ZNF236: variants seen among roughly 807,000 people sequenced by gnomAD.
ZNF236 encodes the protein zinc finger protein 236, also known as regulated by glucose.
In ZNF236, 50 loss-of-function variants were observed where a neutral mutation model predicts 191.2. That is an observed-to-expected ratio of 0.26 (90% confidence interval 0.21 to 0.33). The LOEUF is 0.33. Ranked by LOEUF, ZNF236 falls within the 10% of genes least tolerant of loss-of-function variation. ZNF236 has a pLI of 1.00. For synonymous variants in ZNF236, 907 were observed against 928.8 expected, an observed-to-expected ratio of 0.98 and a Z score of 0.43; for missense variants, 1,754 against 2,374.5, an observed-to-expected ratio of 0.74 and a Z score of 5.43.
chr18:76,903,004 G>A (rs1977642664), intron 11 of ZNF236, among the ~76,000 whole-genome samples: 1 of 152,190 alleles, frequency 6.6e-6, no homozygotes, highest in South Asian at 2.1e-4. Flanking sequence ...AGCTCTGATT[G>A]TCCAGAAGGC....
chr18:76,924,461 C>A (rs1272286800), intron 21 of ZNF236, among the ~76,000 whole-genome samples: 1 of 152,192 alleles, frequency 6.6e-6, no homozygotes, highest in African/African-American at 2.4e-5. Context: ...GTTGGGATAG[C>A]AGGTTGCACT....
At position 76,875,123 on chromosome 18, in the gene ZNF236, G is replaced by A. The variant is rs1375566547; in HGVS notation, c.668-369G>A. The stretch of plus-strand genomic sequence containing the variant: ...TTACCCTGGGGTGGTGGTTGTGGAC[G>A]GGAAGCAGGGCTGCTCTGGGTGTAT... On this transcript the variant is annotated intron_variant, in intron 5 of 30. Transcript: ENST00000320610. This position sits in a 1 kb window ranked among gnomAD's most constrained non-coding sequence, Gnocchi z 4.3. Among the ~76,000 whole-genome samples, 2 of 152,134 alleles carry A rather than the reference G, an allele frequency of 1.3e-5. No individual in the cohort carries two copies. Among genetic ancestry groups the A allele is most frequent in the African/African-American group, 2.4e-5 (1 of 41,418 alleles).
chr18:76,916,924 T>C (rs983879104), intron 19 of ZNF236, among the ~76,000 whole-genome samples: 4 of 152,236 alleles, frequency 2.6e-5, no homozygotes, highest in Non-Finnish European at 1.5e-5. Flanking sequence ...CCCCTCTGTC[T>C]GCTTTGCCAC....
intron 1 of ZNF236, chr18:76,834,482 C>A: frequency 2.6e-6 from 1 of 390,880 alleles, no homozygotes. Context: ...TTTTACTTTT[C>A]TACTTGGCGA....
intron 30 of ZNF236, among the ~76,000 whole-genome samples, chr18:76,963,851 T>C (rs1599431561): frequency 6.6e-6 from 1 of 152,224 alleles, no homozygotes; most frequent in African/African-American, 2.4e-5. Context: ...TTTTCTAGTT[T>C]ATATGTGTAA....
At chr18:76,843,634 G>A (rs1044097951) in intron 1 of ZNF236, among the ~76,000 whole-genome samples, 5 of 151,466 alleles carry the variant, frequency 3.3e-5, no homozygotes, top group African/African-American at 7.3e-5. Context: ...AAATTAGCCC[G>A]GCATGGTGGC....
At chr18:76,966,943 C>T (rs180807486) in intron 30 of ZNF236, among the ~76,000 whole-genome samples, 3 of 152,190 alleles carry the variant, frequency 2.0e-5, no homozygotes, top group Middle Eastern at 3.4e-3. Context: ...ATGCATTTTG[C>T]GGGTGTGATT....
intron 11 of ZNF236, among the ~76,000 whole-genome samples, chr18:76,899,741 T>A (rs1242858582): frequency 2.6e-5 from 4 of 152,250 alleles, no homozygotes; most frequent in African/African-American, 9.6e-5. Context: ...AAAACACTGC[T>A]TGTTAGAATC....
At chr18:76,887,202 T>A (rs1977083540) in intron 9 of ZNF236, 1 of 152,044 alleles carries the variant, frequency 6.6e-6, no homozygotes, top group African/African-American at 2.4e-5. Context: ...GTGAAACCTG[T>A]CTCTACTAAA....
In ZNF236 at chr18:76,878,142, A is replaced by G. The variant is rs762010664; in HGVS notation, c.974A>G (p.His325Arg). 3.1e-6 allele frequency: 5 copies of G among 1,607,384 alleles called. No individual in the cohort carries two copies. In the South Asian group the frequency reaches 3.3e-5, roughly 11 times the overall value. ...QNSTSSTETA[H>R]VLTATLFQTL... ...TCAACAAGTTCTACAGAGACTGCTC[A>G]TGTTTTAACGGTAAGTTTAGTAATT... The change falls in exon 7 of 31, where the codon CAT becomes CGT. Residue 325 changes from histidine (H) to arginine (R), a missense_variant. This residue lies in a region of ZNF236 where 336 missense variants were observed against 495.1 expected (regional missense o/e 0.68). Transcript: ENST00000320610.
intron 27 of ZNF236, among the ~76,000 whole-genome samples, chr18:76,950,205 C>T (rs959376406): frequency 6.6e-6 from 1 of 152,094 alleles, no homozygotes; most frequent in Non-Finnish European, 1.5e-5. Context: ...GAAAGATTTC[C>T]CCATAGCATG....
intron 9 of ZNF236, among the ~76,000 whole-genome samples, chr18:76,890,014 G>T (rs1217993569): frequency 6.6e-6 from 1 of 152,160 alleles, no homozygotes; most frequent in African/African-American, 2.4e-5. Flanking sequence ...TAACCAATCT[G>T]CAGCCATTTG....
chr18:76,872,001 C>T (rs1237922094), intron 5 of ZNF236, among the ~76,000 whole-genome samples, 176 bp downstream of exon 5: 1 of 152,150 alleles, frequency 6.6e-6, no homozygotes, highest in Non-Finnish European at 1.5e-5. Flanking sequence ...AAATGTGGCT[C>T]TTTTATCTGT....
At position 76,912,270 on chromosome 18, in the gene ZNF236, C is replaced by G. The variant is rs779247538; in HGVS notation, c.2832C>G (p.Ser944=). 6.2e-7 allele frequency: 1 copy of G among 1,614,100 alleles called. No individual in the cohort carries two copies. Among genetic ancestry groups the G allele is most frequent in the East Asian group, 2.2e-5 (1 of 44,876 alleles). Residue 944 remains serine (S), a synonymous_variant, in exon 17 of 31, where the codon TCC becomes TCG. Coordinates refer to ENST00000320610, the MANE Select transcript of ZNF236 (RefSeq NM_001306089.2). ...NVTTRLIQES[S]QEELDLQAQG... ...CAACTCGCTTGATTCAGGAGTCATC[C>G]CAAGAGGAACTGGACCTGCAGGCAC...
intron 10 of ZNF236, among the ~76,000 whole-genome samples, chr18:76,897,289 T>C (rs1302455360): frequency 6.6e-6 from 1 of 150,776 alleles, no homozygotes; most frequent in East Asian, 2.0e-4. Context: ...TGCACACAGG[T>C]ACCACATACA....
intron 9 of ZNF236, among the ~76,000 whole-genome samples, chr18:76,884,369 C>A (rs1976987589): frequency 6.6e-6 from 1 of 151,426 alleles, no homozygotes; most frequent in South Asian, 2.1e-4. Flanking sequence ...CCATTGGACT[C>A]CAGCCCCGGC....
chr18:76,913,721 C>A, intron 17 of ZNF236, 26 bp from the exon 18 acceptor site: 1 of 1,609,216 alleles, frequency 6.2e-7, no homozygotes, highest in South Asian at 1.1e-5. Flanking sequence ...TTAACGTGGT[C>A]TGAGTTCTGT....
chr18:76,905,932 C>T (rs1977728521), intron 13 of ZNF236, among the ~76,000 whole-genome samples: 1 of 152,144 alleles, frequency 6.6e-6, no homozygotes, highest in South Asian at 2.1e-4. Flanking sequence ...TGGATGTAAT[C>T]CGGAAGAGAT....
At chr18:76,918,835 G>A (rs1398499647) in intron 19 of ZNF236, among the ~76,000 whole-genome samples, 1 of 152,150 alleles carries the variant, frequency 6.6e-6, no homozygotes, top group East Asian at 1.9e-4. Flanking sequence ...GATTACAGGT[G>A]TGAGCCACTG....
Sources: allele counts gnomAD v4.1 joint callset (sites outside exome capture counted in the v4.1 genomes callset), GRCh38; gene constraint gnomAD v4.1.1; regional missense constraint gnomAD v4.1.1; non-coding constraint Gnocchi (gnomAD v3.1); transcripts MANE v1.5; gene names NCBI Gene and HGNC (gene_info 2026-07-23, HGNC 2026-07-21).